Variants in RIC3 observed in about 807,000 individuals in gnomAD.
RIC3 encodes RIC3 acetylcholine receptor chaperone.
In RIC3, 28 loss-of-function variants were observed where a neutral mutation model predicts 27.3. The ratio of observed to expected loss-of-function variants is 1.02; its 90% CI spans 0.76 to 1.41. RIC3 has a LOEUF of 1.41. RIC3 is among the 40% of genes most tolerant of loss of function. The pLI is 0.00. For synonymous variants in RIC3, 184 were observed against 160.4 expected (o/e 1.15, Z -1.11); for missense variants, 501 against 444.7 (o/e 1.13, Z -1.14).
intron 4 of RIC3, chr11:8,128,404 C>T (rs1947244596): frequency 2.7e-6 from 1 of 371,308 alleles, no homozygotes; most frequent in South Asian, 2.0e-5. Flanking sequence ...CAAGAGCTTT[C>T]CCAGAGAACT....
At chr11:8,098,899 C>T in the RIC3 span, 1 of 1,539,648 alleles carries the variant, frequency 6.5e-7, no homozygotes, top group Non-Finnish European at 9.0e-7. Context: ...TCGGGGGTCT[C>T]TGATTTCCAA....
chr11:8,119,264 T>C (rs1946196128), intron 5 of RIC3, among the ~76,000 whole-genome samples: 1 of 152,224 alleles, frequency 6.6e-6, no homozygotes, highest in African/African-American at 2.4e-5. Context: ...TTTTAAAAGC[T>C]GGAGGCATCA....
intron 5 of RIC3, among the ~76,000 whole-genome samples, chr11:8,118,527 T>TAAAAAAAAAAAAAAAAAAAAA (rs11378233): frequency 1.5e-5 from 1 of 66,684 alleles, no homozygotes; most frequent in Non-Finnish European, 2.8e-5. Flanking sequence ...GCCATAATTG[T>TAAAAAAAAAAAAAAAAAAAAA]AAAAAAAAAA....
intron 1 of RIC3, among the ~76,000 whole-genome samples, chr11:8,166,993 A>G (rs1030241688): frequency 2.6e-5 from 4 of 152,208 alleles, no homozygotes; most frequent in African/African-American, 9.6e-5. Context: ...AAGATTCTCA[A>G]TGGTGTATGT....
At chr11:8,137,261 TGATCCACCCACCTCG>T (rs1948528678) in intron 4 of RIC3, 102 bp downstream of exon 4, 9 of 785,412 alleles carry the variant, frequency 1.1e-5, no homozygotes, top group Non-Finnish European at 1.9e-5. Context: ...TGACCTCAGA[TGATCCACCCACCTCG>T]GCCTCCCAAA....
chr11:8,134,558 G>C (rs916766980), intron 4 of RIC3, among the ~76,000 whole-genome samples: 2 of 152,158 alleles, frequency 1.3e-5, no homozygotes, highest in Non-Finnish European at 2.9e-5. Flanking sequence ...CTGGATCCCT[G>C]AGGAATCGTC....
intron 5 of RIC3, among the ~76,000 whole-genome samples, chr11:8,126,440 G>A (rs767262745): frequency 6.6e-6 from 1 of 152,162 alleles, no homozygotes; most frequent in Non-Finnish European, 1.5e-5. Flanking sequence ...AGCTACAAAG[G>A]GGGAGCTTTC....
At chr11:8,118,833 T>C (rs1030959230) in intron 5 of RIC3, among the ~76,000 whole-genome samples, 5 of 150,914 alleles carry the variant, frequency 3.3e-5, no homozygotes, top group African/African-American at 1.2e-4. Context: ...ATCACACCAT[T>C]GCACTCTAGC....
At chr11:8,128,847 C>A (rs542634721) in intron 4 of RIC3, among the ~76,000 whole-genome samples, 2 of 151,154 alleles carry the variant, frequency 1.3e-5, no homozygotes, top group South Asian at 4.2e-4. Context: ...CTCCGCCTCC[C>A]GGGTTCACGC....
At chr11:8,168,059 A>C (rs1458497970) in intron 1 of RIC3, among the ~76,000 whole-genome samples, 1 of 152,330 alleles carries the variant, frequency 6.6e-6, no homozygotes, top group Admixed American at 6.5e-5. Flanking sequence ...ACACCGTAAA[A>C]TCATGTCTCA....
intron 5 of RIC3, among the ~76,000 whole-genome samples, chr11:8,114,548 G>A (rs1287274767): frequency 1.3e-5 from 2 of 150,670 alleles, no homozygotes; most frequent in Admixed American, 1.3e-4. Flanking sequence ...AGAGGTTCCA[G>A]TGAGCCAAGA....
chr11:8,164,419 C>T (rs999808170), intron 1 of RIC3, among the ~76,000 whole-genome samples: 1 of 152,030 alleles, frequency 6.6e-6, no homozygotes. Flanking sequence ...AAAATATTTG[C>T]AAATCATATA....
At chr11:8,101,115 G>T, downstream of RIC3, 1 of 1,239,258 alleles carries the variant, frequency 8.1e-7, no homozygotes, top group Non-Finnish European at 1.1e-6. Flanking sequence ...GAGCTATACA[G>T]CTAAGGTTAG....
chr11:8,140,826 G>A (rs1014960205), intron 1 of RIC3, among the ~76,000 whole-genome samples: 25 of 151,908 alleles, frequency 1.6e-4, no homozygotes, highest in African/African-American at 3.1e-4. Context: ...GACTAACAGC[G>A]GATCTCTCGG....
intron 5 of RIC3, among the ~76,000 whole-genome samples, chr11:8,123,940 A>G (rs193125823): frequency 0.012 from 1,751 of 150,758 alleles, 16 homozygotes; most frequent in Non-Finnish European, 0.019. Context: ...CAGGCATGGT[A>G]GTGCATGCCT....
intron 4 of RIC3, among the ~76,000 whole-genome samples, chr11:8,130,783 C>A (rs1947595720): frequency 6.6e-6 from 1 of 151,654 alleles, no homozygotes; most frequent in African/African-American, 2.4e-5. Context: ...GAGAGAGGAC[C>A]CAGGCAAACG....
At position 8,110,871 on chromosome 11, in the gene RIC3, G is replaced by A; in HGVS notation, c.937C>T (p.Pro313Ser). 6.2e-7 allele frequency: 1 copy of A among 1,614,172 alleles called. No homozygotes were observed. Among genetic ancestry groups the A allele is most frequent in the South Asian group, 1.1e-5 (1 of 91,082 alleles). Residue 313 changes from proline (P) to serine (S), a missense_variant, in exon 6 of 6, where the codon CCT becomes TCT. Physicochemically the swap from Pro to Ser is moderately conservative, Grantham distance 74. Coordinates refer to ENST00000309737, the MANE Select transcript of RIC3 (RefSeq NM_001206671.4). Reference protein sequence around the residue: ...CSCCFHEDEDPAVLAENAGFS... With the variant: ...CSCCFHEDEDSAVLAENAGFS... ...CCAGCATTCTCTGCCAAGACAGCAGGATCCTCGTCTTCATGAAAACAGCAG... is the reference window on the plus strand; with the variant it reads ...CCAGCATTCTCTGCCAAGACAGCAGAATCCTCGTCTTCATGAAAACAGCAG...
intron 1 of RIC3, among the ~76,000 whole-genome samples, chr11:8,152,344 A>G (rs1950315916): frequency 6.6e-6 from 1 of 152,240 alleles, no homozygotes; most frequent in Admixed American, 6.5e-5. Context: ...TGAATAGATC[A>G]ACAAAATGTA....
At chr11:8,143,795 T>C (rs1204735200) in intron 1 of RIC3, among the ~76,000 whole-genome samples, 1 of 152,140 alleles carries the variant, frequency 6.6e-6, no homozygotes, top group Non-Finnish European at 1.5e-5. Context: ...AAGGCTACAG[T>C]AACCAAAACA....
Sources: allele counts gnomAD v4.1 joint callset (sites outside exome capture counted in the v4.1 genomes callset), GRCh38; gene constraint gnomAD v4.1.1; transcripts MANE v1.5; gene names NCBI Gene and HGNC (gene_info 2026-07-23, HGNC 2026-07-21).